Variants in CTBP1 observed in about 807,000 individuals in gnomAD.
CTBP1 encodes the protein C-terminal-binding protein 1.
In CTBP1, 11 loss-of-function variants were observed where a neutral mutation model predicts 42.1. That is an observed-to-expected ratio of 0.26 (90% CI 0.16 to 0.43). The LOEUF (loss-of-function observed/expected upper bound fraction) is 0.43. Ranked by LOEUF, CTBP1 falls within the 20% of genes least tolerant of loss-of-function variation. The pLI, the probability that CTBP1 is intolerant of heterozygous loss-of-function variation, is 1.00. For missense variants in CTBP1, 399 were observed against 624.3 expected (o/e 0.64, Z 3.85); for synonymous variants, 324 against 277.1 (o/e 1.17, Z -1.68).
rs940879098 is a variant in CTBP1 at position 1,222,306 on chromosome 4, G to A, written c.514+3054C>T. On this transcript the variant is annotated intron_variant, in intron 5 of 9. Transcript: ENST00000382952. The stretch of plus-strand genomic sequence containing the variant: ...CCGTCCACAAGGTAGAGGCTGCAGC[G>A]TCAGGGGGCTCGTGTCCCTAAGGAC... Among the ~76,000 whole-genome samples, 17 of 152,220 alleles carry A rather than the reference G, an allele frequency of 1.1e-4. 1 individual carries two copies. The highest frequency in any genetic ancestry group is 1.9e-4 in the East Asian group (1 of 5,182).
In CTBP1 at chr4:1,211,669, T is replaced by C. The variant is rs2108692737; in HGVS notation, c.*571A>G. The C allele has an allele frequency of 2.0e-5, 3 of 152,352 alleles. No individual in the cohort carries two copies. In the South Asian group the frequency reaches 6.2e-4, roughly 32 times the overall value. 9.4% of individuals were successfully genotyped at this position (152,352 alleles called of 1,614,324 possible). ...CTTTTGGAGCTGCTTCGTGATGCCG[T>C]CTTCATTTGGAACAAGGGGGGGTTC... On this transcript the variant is annotated 3_prime_UTR_variant, in exon 10 of 10. Coordinates refer to ENST00000382952, the MANE Select transcript of CTBP1 (RefSeq NM_001012614.2).
At chr4:1,232,151 C>T (rs1261949932) in intron 3 of CTBP1, among the ~76,000 whole-genome samples, 2 of 152,238 alleles carry the variant, frequency 1.3e-5, no homozygotes, top group South Asian at 4.1e-4. Flanking sequence ...TGAAGCGATC[C>T]TCTGGCCTTG....
At chr4:1,228,394 C>G in intron 3 of CTBP1, 51 bp from the exon 4 acceptor site, 1 of 1,587,030 alleles carries the variant, frequency 6.3e-7, no homozygotes, top group African/African-American at 1.3e-5. Flanking sequence ...GACCCTCGGG[C>G]TTGGCCTTCG....
chr4:1,247,543 C>T (rs543794277), intron 1 of CTBP1, among the ~76,000 whole-genome samples: 39 of 152,236 alleles, frequency 2.6e-4, no homozygotes, highest in Admixed American at 2.2e-3. Flanking sequence ...AAGGGGGACC[C>T]CCAAACCGCA....
Position 1,249,003 on chromosome 4 carries a change from CCG to C in CTBP1, c.-278_-277del. The C allele has an allele frequency of 1.1e-6, 1 of 938,530 alleles. No individual in the cohort carries two copies. The highest frequency in any genetic ancestry group is 1.2e-4 in the East Asian group (1 of 8,438). The allele number at this position is 938,530 out of a possible 1,614,324, so 58.1% of individuals were successfully genotyped here. A position where few individuals can be genotyped will look rare whatever the true frequency, so the allele number is the denominator to read the frequency against. ...GCCCCGACCACTCCGGCGCGCTGCG[CCG>C]CCGCGAGCCCGGCGCGTGGGGCGGC... On this transcript the variant is annotated 5_prime_UTR_variant, in exon 1 of 10. Coordinates refer to ENST00000382952, the MANE Select transcript of CTBP1 (RefSeq NM_001012614.2).
intron 1 of CTBP1, chr4:1,244,348 G>C (rs1244754838): frequency 2.3e-6 from 2 of 869,112 alleles, no homozygotes; most frequent in Non-Finnish European, 2.6e-6. Context: ...GTGGGTCTCT[G>C]GGCACTGGGG....
At chr4:1,213,642 T>A (rs753929198) in intron 7 of CTBP1, 37 bp from the exon 8 acceptor site, 2 of 1,599,774 alleles carry the variant, frequency 1.3e-6, no homozygotes, top group Admixed American at 3.4e-5. Context: ...GCAGCCTGAG[T>A]GCTGTGGCTG....
At chr4:1,237,621 ATGGGG>A (rs1731683078) in intron 3 of CTBP1, 2 of 620,116 alleles carry the variant, frequency 3.2e-6, no homozygotes. Context: ...TCACCTCCTG[ATGGGG>A]CTCAGGACAA....
At chr4:1,245,662 CGGCAGGGCAGGGTGGCACGGGT>C in intron 1 of CTBP1, 1 of 982,822 alleles carries the variant, frequency 1.0e-6, no homozygotes, top group South Asian at 4.7e-5. Flanking sequence ...GTGACACGGG[CGGCAGGGCAGGGTGGCACGGGT>C]GGGCAGGGTG....
intron 7 of CTBP1, chr4:1,213,808 G>C: frequency 4.9e-6 from 3 of 613,686 alleles, no homozygotes; most frequent in Middle Eastern, 4.4e-4. Context: ...TGACAGCGGC[G>C]GGTGTGGGAG....
intron 1 of CTBP1, among the ~76,000 whole-genome samples, chr4:1,247,782 G>C (rs1732888571): frequency 6.7e-6 from 1 of 149,764 alleles, no homozygotes; most frequent in Non-Finnish European, 1.5e-5. Flanking sequence ...GGGGGGGCTC[G>C]GGCTCAACGG....
intron 1 of CTBP1, chr4:1,244,275 GGGTTGCCCC>G (rs1732490020): frequency 1.0e-6 from 1 of 985,076 alleles, no homozygotes; most frequent in African/African-American, 1.7e-5. Flanking sequence ...GAGAGGGACC[GGGTTGCCCC>G]GGCACACTGG....
In CTBP1 at chr4:1,213,624, T is replaced by C. The variant is rs373381944; in HGVS notation, c.861-19A>G. ...GCTAAAGCTGGGAACAGCACAGGCA[T>C]GGTCAGTGCAGCCTGAGTGCTGTGG... On this transcript the variant is annotated intron_variant, in intron 7 of 9. Coordinates refer to ENST00000382952, the MANE Select transcript of CTBP1 (RefSeq NM_001012614.2). 7.4e-6 allele frequency: 12 copies of C among 1,610,808 alleles called. No homozygotes were observed. Among genetic ancestry groups the C allele is most frequent in the South Asian group, 1.1e-5 (1 of 91,014 alleles).
Position 1,225,731 on chromosome 4 carries a change from A to G in CTBP1, c.308-165T>C, listed in dbSNP as rs116281167. ...GCCACGAGATGAACACGTTGCTCACAGGTCGGGCGCAACAGAGCAACTCCA... is the reference window on the plus strand; with the variant it reads ...GCCACGAGATGAACACGTTGCTCACGGGTCGGGCGCAACAGAGCAACTCCA... On this transcript the variant is annotated intron_variant, in intron 4 of 9. Transcript: ENST00000382952. Among the ~76,000 whole-genome samples, 902 of 152,240 alleles carry G rather than the reference A, an allele frequency of 5.9e-3. 4 individuals carry two copies. Among genetic ancestry groups the G allele is most frequent in the African/African-American group, 0.019 (808 of 41,548 alleles).
chr4:1,220,757 G>A (rs1352790072), intron 5 of CTBP1, among the ~76,000 whole-genome samples: 4 of 152,254 alleles, frequency 2.6e-5, no homozygotes, highest in Admixed American at 2.0e-4. Context: ...GCTCCTCGGC[G>A]CATCGTGCCG....
At chr4:1,234,044 G>A (rs925750327) in intron 3 of CTBP1, among the ~76,000 whole-genome samples, 3 of 152,194 alleles carry the variant, frequency 2.0e-5, no homozygotes, top group South Asian at 2.1e-4. Flanking sequence ...GGGACGAGGA[G>A]GGGACGGCAG....
Position 1,238,952 on chromosome 4 carries a change from G to A in CTBP1, c.8-615C>T, listed in dbSNP as rs963608208. ...GTCCCTTTCCTGCCTGGGCTACCGC[G>A]TGGCTGCCCGGAATCCCTGATGGGG... On this transcript the variant is annotated intron_variant, in intron 2 of 9. Coordinates refer to ENST00000382952, the MANE Select transcript of CTBP1 (RefSeq NM_001012614.2). This position sits in a 1 kb window ranked among gnomAD's most constrained non-coding sequence, Gnocchi z 5.9. Among the ~76,000 whole-genome samples the A allele has an allele frequency of 4.6e-5, 7 of 152,162 alleles. No individual in the cohort carries two copies. The highest frequency in any genetic ancestry group is 7.4e-5 in the Non-Finnish European group (5 of 68,020).
At chr4:1,214,983 G>A (rs958881822) in intron 6 of CTBP1, among the ~76,000 whole-genome samples, 1 of 152,262 alleles carries the variant, frequency 6.6e-6, no homozygotes, top group Non-Finnish European at 1.5e-5. Flanking sequence ...AGCCCTGCGG[G>A]TGGCTCTCCC....
intron 3 of CTBP1, chr4:1,236,431 G>T: frequency 1.8e-6 from 1 of 567,276 alleles, no homozygotes; most frequent in Non-Finnish European, 3.2e-6. Context: ...ACTGGGGCCG[G>T]GGGAAGCACC....
Sources: gnomAD v4.1 joint callset for allele counts (sites outside exome capture counted in the v4.1 genomes callset) on GRCh38, gnomAD v4.1.1 for gene constraint, Gnocchi (gnomAD v3.1) non-coding constraint, MANE v1.5 for transcripts, NCBI Gene and HGNC (gene_info 2026-07-23, HGNC 2026-07-21) for gene names.